Variants in EVL observed in about 807,000 individuals in gnomAD.
The protein encoded by EVL is ena/VASP-like protein.
Under a neutral mutation model 59.6 loss-of-function variants are expected in EVL, and 21 were observed. The ratio of observed to expected loss-of-function variants is 0.35; its 90% CI spans 0.25 to 0.51. EVL has a LOEUF of 0.51. EVL is among the 20% of genes least tolerant of loss of function. The pLI is 0.97. For missense variants in EVL, 462 were observed against 546.6 expected, an observed-to-expected ratio of 0.85 and a Z score of 1.54; for synonymous variants, 198 against 203.5, an observed-to-expected ratio of 0.97 and a Z score of 0.23.
At chr14:100,134,071 C>T (rs941891788) in intron 8 of EVL, among the ~76,000 whole-genome samples, 1 of 152,228 alleles carries the variant, frequency 6.6e-6, no homozygotes, top group African/African-American at 2.4e-5. Flanking sequence ...TGTGGAGACT[C>T]GTTGTCTCCT....
chr14:100,113,159 A>C (rs1350885352), intron 3 of EVL, among the ~76,000 whole-genome samples: 1 of 152,108 alleles, frequency 6.6e-6, no homozygotes, highest in African/African-American at 2.4e-5. Context: ...GCCCAAAAAG[A>C]AGCAAAATAG....
At chr14:100,087,270 C>T (rs1387115238) in intron 2 of EVL, among the ~76,000 whole-genome samples, 1 of 152,182 alleles carries the variant, frequency 6.6e-6, no homozygotes, top group East Asian at 1.9e-4. Flanking sequence ...CTAAATCTTA[C>T]ATTCAGGGTG....
intron 13 of EVL, 123 bp downstream of exon 13, chr14:100,141,916 AG>A (rs1249955710): frequency 4.3e-6 from 3 of 694,968 alleles, no homozygotes; most frequent in Admixed American, 6.3e-5. Flanking sequence ...GCCCTGTGAG[AG>A]ATTTCATTCT....
At position 100,117,282 on chromosome 14, in the gene EVL, G is replaced by A. The variant is rs566396280; in HGVS notation, c.359-6257G>A. 7.9e-5 allele frequency among the ~76,000 whole-genome samples: 12 copies of A among 152,328 alleles called. No individual in the cohort carries two copies. The East Asian group carries it at 1.9e-3, about 24-fold the overall frequency. ...GTCCAGCTCCTGGGATACCTCTCCC[G>A]GTGCCACGTGGATGGGCATTGAGGC... On this transcript the variant is annotated intron_variant, in intron 3 of 13. Coordinates refer to ENST00000392920, the MANE Select transcript of EVL (RefSeq NM_016337.3).
At chr14:100,003,051 G>A (rs1370452304) in intron 1 of EVL, among the ~76,000 whole-genome samples, 1 of 152,172 alleles carries the variant, frequency 6.6e-6, no homozygotes, top group African/African-American at 2.4e-5. Context: ...CCGTATGCTG[G>A]TCTTGCATCA....
At chr14:100,026,789 G>A (rs932131168) in intron 1 of EVL, among the ~76,000 whole-genome samples, 8 of 152,296 alleles carry the variant, frequency 5.3e-5, no homozygotes, top group Admixed American at 3.9e-4. Flanking sequence ...TCAGCTCTGG[G>A]ACGTATTATT....
chr14:100,135,429 C>T (rs147033531), intron 8 of EVL: 24 of 154,058 alleles, frequency 1.6e-4, no homozygotes, highest in African/African-American at 2.9e-4. Context: ...ACCATCCTGA[C>T]GCACATGCCA....
At chr14:100,019,943 G>A (rs2061091921) in intron 1 of EVL, among the ~76,000 whole-genome samples, 1 of 152,212 alleles carries the variant, frequency 6.6e-6, no homozygotes, top group Non-Finnish European at 1.5e-5. Context: ...ACCCCACCTT[G>A]TGCCTTATTT....
intron 1 of EVL, chr14:100,019,699 G>A (rs865806066): frequency 2.0e-6 from 3 of 1,532,166 alleles, no homozygotes; most frequent in Middle Eastern, 1.7e-4. Flanking sequence ...TATGTTCTGG[G>A]CTTTCTACAT....
chr14:100,020,871 G>A (rs2061111427), intron 1 of EVL, among the ~76,000 whole-genome samples: 1 of 152,310 alleles, frequency 6.6e-6, no homozygotes, highest in Non-Finnish European at 1.5e-5. Flanking sequence ...CTAATGGCCT[G>A]GGTTTGCGAC....
At chr14:100,097,065 C>A (rs776475562) in intron 2 of EVL, 1 of 159,720 alleles carries the variant, frequency 6.3e-6, no homozygotes, top group Admixed American at 6.0e-5. Context: ...AAATAAGATA[C>A]GTATCACAAT....
intron 1 of EVL, among the ~76,000 whole-genome samples, chr14:100,075,921 T>C (rs950417389): frequency 3.9e-5 from 6 of 152,192 alleles, no homozygotes; most frequent in African/African-American, 1.2e-4. Context: ...CCCATTCTCA[T>C]ACACCCATTT....
chr14:100,015,593 T>A (rs2061044025), intron 1 of EVL, among the ~76,000 whole-genome samples: 1 of 152,168 alleles, frequency 6.6e-6, no homozygotes, highest in African/African-American at 2.4e-5. Context: ...CCACAGATCA[T>A]TAGCGCCGGC....
At chr14:100,014,025 G>A (rs1384213963) in intron 1 of EVL, among the ~76,000 whole-genome samples, 1 of 152,126 alleles carries the variant, frequency 6.6e-6, no homozygotes, top group African/African-American at 2.4e-5. Flanking sequence ...ATTTCTTTGT[G>A]TTGCTGACAT....
At chr14:100,131,395 C>T (rs1888427202) in intron 7 of EVL, among the ~76,000 whole-genome samples, 1 of 152,210 alleles carries the variant, frequency 6.6e-6, no homozygotes, top group Non-Finnish European at 1.5e-5. Context: ...TCTCTGAAAT[C>T]CACCTCAGTG....
chr14:100,118,434 G>A (rs1310169187), intron 3 of EVL, among the ~76,000 whole-genome samples: 1 of 152,194 alleles, frequency 6.6e-6, no homozygotes, highest in African/African-American at 2.4e-5. Context: ...ACAATACAAG[G>A]ACCATGTATA....
At chr14:100,007,511 C>T (rs1254038976) in intron 1 of EVL, among the ~76,000 whole-genome samples, 2 of 152,212 alleles carry the variant, frequency 1.3e-5, no homozygotes, top group African/African-American at 2.4e-5. Context: ...CTGTGCTGCT[C>T]TCTTATCTAC....
At chr14:100,113,837 G>T (rs773746554) in intron 3 of EVL, among the ~76,000 whole-genome samples, 4 of 152,144 alleles carry the variant, frequency 2.6e-5, no homozygotes, top group Non-Finnish European at 5.9e-5. Context: ...AGCAGTCAGG[G>T]CACCGGGACA....
At chr14:100,018,563 T>G (rs1469698307) in intron 1 of EVL, among the ~76,000 whole-genome samples, 1 of 152,106 alleles carries the variant, frequency 6.6e-6, no homozygotes, top group Non-Finnish European at 1.5e-5. Flanking sequence ...CCAGAGCAAT[T>G]TTCCTAAGGC....
Sources: gnomAD v4.1 joint callset for allele counts (sites outside exome capture counted in the v4.1 genomes callset) on GRCh38, gnomAD v4.1.1 for gene constraint, MANE v1.5 for transcripts, NCBI Gene and HGNC (gene_info 2026-07-23, HGNC 2026-07-21) for gene names.